CEP85: variants seen among roughly 807,000 people sequenced by gnomAD.
CEP85 encodes the protein centrosomal protein of 85 kDa.
CEP85 carries 58 observed loss-of-function variants against 93.7 expected under a neutral mutation model. That is an observed-to-expected ratio of 0.62 (90% confidence interval 0.50 to 0.77). CEP85 has a LOEUF of 0.77. Ranked by LOEUF, CEP85 falls within the 30% of genes least tolerant of loss-of-function variation. The probability of loss-of-function intolerance (pLI) is 0.00; values close to 1 mark genes in which losing one functional copy is unlikely to be tolerated. For missense variants in CEP85, 868 were observed against 922.0 expected (o/e 0.94, Z 0.76); for synonymous variants, 314 against 338.6 (o/e 0.93, Z 0.80).
intron 6 of CEP85, among the ~76,000 whole-genome samples, chr1:26,258,714 A>C (rs1054264972): frequency 5.3e-5 from 8 of 151,620 alleles, no homozygotes; most frequent in African/African-American, 1.9e-4. Flanking sequence ...CTCCTGCCTC[A>C]GCCTCCCAAG....
At chr1:26,266,256 T>C (rs1375771392) in intron 7 of CEP85, among the ~76,000 whole-genome samples, 2 of 152,068 alleles carry the variant, frequency 1.3e-5, no homozygotes, top group African/African-American at 4.8e-5. Context: ...GGCATGGTGG[T>C]ACACGCTTGT....
intron 3 of CEP85, among the ~76,000 whole-genome samples, chr1:26,251,334 G>A (rs1235137382): frequency 1.1e-4 from 16 of 144,036 alleles, no homozygotes; most frequent in Admixed American, 9.5e-4. Context: ...TCACTGCAAC[G>A]TCTGCCTCCC....
At chr1:26,241,733 A>AT (rs1443539821) in intron 2 of CEP85, among the ~76,000 whole-genome samples, 1 of 151,926 alleles carries the variant, frequency 6.6e-6, no homozygotes, top group Non-Finnish European at 1.5e-5. Flanking sequence ...TACTGATAGG[A>AT]CATGCACTAT....
chr1:26,234,706 C>T (rs1202429909), intron 1 of CEP85, among the ~76,000 whole-genome samples: 1 of 152,208 alleles, frequency 6.6e-6, no homozygotes, highest in Non-Finnish European at 1.5e-5. Context: ...GAGCGCAAAA[C>T]AGAAGGCGCG....
chr1:26,266,073 G>C (rs1264875944), intron 7 of CEP85, among the ~76,000 whole-genome samples: 1 of 152,068 alleles, frequency 6.6e-6, no homozygotes, highest in Non-Finnish European at 1.5e-5. Flanking sequence ...GCTGGGCGTG[G>C]TGGTGGACAC....
intron 7 of CEP85, among the ~76,000 whole-genome samples, chr1:26,263,998 C>T (rs145593456): frequency 6.6e-6 from 1 of 152,160 alleles, no homozygotes; most frequent in Non-Finnish European, 1.5e-5. Context: ...CCCGTGTACA[C>T]CAAGGGACGA....
At chr1:26,264,733 G>A (rs1415326873) in intron 7 of CEP85, among the ~76,000 whole-genome samples, 1 of 152,088 alleles carries the variant, frequency 6.6e-6, no homozygotes, top group Non-Finnish European at 1.5e-5. Flanking sequence ...GAGGCTAGAG[G>A]CAGGAATGCT....
intron 1 of CEP85, among the ~76,000 whole-genome samples, chr1:26,239,434 C>T (rs1392948233): frequency 6.6e-6 from 1 of 152,108 alleles, no homozygotes; most frequent in Non-Finnish European, 1.5e-5. Context: ...TCACTGAAAC[C>T]TCTGCCTCCC....
At chr1:26,263,794 C>T (rs1013210899) in intron 7 of CEP85, among the ~76,000 whole-genome samples, 2 of 152,130 alleles carry the variant, frequency 1.3e-5, no homozygotes, top group Non-Finnish European at 2.9e-5. Context: ...GACCTTGGAA[C>T]AATACATTTA....
intron 1 of CEP85, among the ~76,000 whole-genome samples, chr1:26,235,190 A>G (rs1319547431): frequency 6.6e-6 from 1 of 152,224 alleles, no homozygotes; most frequent in Admixed American, 6.5e-5. Flanking sequence ...CGTGGCTCAG[A>G]GCCAGGCGCA....
rs1409393421 is a variant in CEP85 at position 26,277,427 on chromosome 1, G to C, written c.*134G>C. The C allele has an allele frequency of 2.6e-6, 2 of 782,940 alleles. No individual in the cohort carries two copies. Among genetic ancestry groups the C allele is most frequent in the African/African-American group, 3.5e-5 (2 of 56,942 alleles). The allele number at this position is 782,940 out of a possible 1,614,324, so 48.5% of individuals were successfully genotyped here. Reference sequence around the variant, plus strand: ...GGGAGGGGAGAGCCTGCATCTGGGGGCCAAGGGCTGATTAGGGAACTGTGT... The same window carrying C: ...GGGAGGGGAGAGCCTGCATCTGGGGCCCAAGGGCTGATTAGGGAACTGTGT... On this transcript the variant is annotated 3_prime_UTR_variant, in exon 14 of 14. Transcript: ENST00000451429.
At chr1:26,250,435 A>G (rs191277494) in intron 3 of CEP85, among the ~76,000 whole-genome samples, 50 of 152,332 alleles carry the variant, frequency 3.3e-4, no homozygotes, top group Admixed American at 2.4e-3. Flanking sequence ...CATCCCCCCA[A>G]CCATCGTCTG....
chr1:26,272,880 C>T (rs569422065), intron 11 of CEP85, among the ~76,000 whole-genome samples: 4 of 152,170 alleles, frequency 2.6e-5, no homozygotes, highest in Admixed American at 6.5e-5. Context: ...CTGCCCGCCT[C>T]GGCCTCCCAA....
chr1:26,271,802 C>T lies in CEP85; in HGVS notation c.1744-219C>T, dbSNP rs2089979148. ...AGTGGTTATGTGTTCACACTACATT[C>T]CTGTATAAACCTTTGTGATTGGAGC... On this transcript the variant is annotated intron_variant, in intron 10 of 13. Coordinates refer to ENST00000451429, the MANE Select transcript of CEP85 (RefSeq NM_001319944.2). The T allele has an allele frequency of 1.2e-5, 7 of 571,010 alleles. No homozygotes were observed. In the South Asian group the frequency reaches 1.5e-4, roughly 13 times the overall value. 35.4% of individuals were successfully genotyped at this position (571,010 alleles called of 1,614,324 possible).
At chr1:26,276,945 A>G (rs1003332483) in intron 13 of CEP85, among the ~76,000 whole-genome samples, 185 bp downstream of exon 13, 1 of 152,216 alleles carries the variant, frequency 6.6e-6, no homozygotes, top group African/African-American at 2.4e-5. Context: ...GAAACAAGCT[A>G]TGGGGTACTT....
chr1:26,276,246 A>G (rs970820861), intron 12 of CEP85, among the ~76,000 whole-genome samples: 6 of 152,170 alleles, frequency 3.9e-5, no homozygotes, highest in Admixed American at 2.0e-4. Flanking sequence ...GGGCGGGAGC[A>G]TCTTCTCTGG....
intron 1 of CEP85, among the ~76,000 whole-genome samples, chr1:26,235,024 G>A (rs888903464): frequency 6.6e-6 from 1 of 152,212 alleles, no homozygotes; most frequent in African/African-American, 2.4e-5. Context: ...ATGTCAGTAG[G>A]GCGGAAGGTG....
In CEP85 at chr1:26,258,189, G is replaced by C; in HGVS notation, c.1084G>C (p.Glu362Gln). The change falls in exon 6 of 14, where the codon GAA (glutamate) becomes CAA (glutamine). Residue 362 changes from glutamate to glutamine, a missense_variant. Transcript: ENST00000451429. ...SQLEQKVRESELQVHSALLGR... is the reference protein window; with the variant it reads ...SQLEQKVRESQLQVHSALLGR... ...GCTGGAGCAGAAAGTGCGAGAGAGC[G>C]AACTGCAAGTCCACAGTGCCCTCTT... 1.2e-6 allele frequency: 2 copies of C among 1,614,112 alleles called. No homozygotes were observed. Among genetic ancestry groups the C allele is most frequent in the Non-Finnish European group, 1.7e-6 (2 of 1,180,004 alleles).
In CEP85 at chr1:26,276,516, T is replaced by A; in HGVS notation, c.1903-19T>A. 6.3e-7 allele frequency: 1 copy of A among 1,597,664 alleles called. No homozygotes were observed. ...CTCCCTGGGCCTGAGTTAATGTGCT[T>A]ACCCATCTGTCTGCTCAGCTTTCAG... On this transcript the variant is annotated intron_variant, in intron 12 of 13. Coordinates refer to ENST00000451429, the MANE Select transcript of CEP85 (RefSeq NM_001319944.2).
Sources: allele counts gnomAD v4.1 joint callset (sites outside exome capture counted in the v4.1 genomes callset), GRCh38; gene constraint gnomAD v4.1.1; transcripts MANE v1.5; gene names NCBI Gene and HGNC (gene_info 2026-07-23, HGNC 2026-07-21).